STK31: variants seen among roughly 807,000 people sequenced by gnomAD.
The protein encoded by STK31 is serine/threonine-protein kinase 31.
A neutral mutation model predicts 129.7 loss-of-function variants in STK31; 89 were observed. The ratio of observed to expected loss-of-function variants is 0.69; its 90% CI spans 0.58 to 0.82. STK31 has a LOEUF of 0.82. Among genes scored for constraint, STK31 ranks in the 40% least tolerant of loss-of-function variants. The probability of loss-of-function intolerance (pLI) is 0.00; values close to 1 mark genes in which losing one functional copy is unlikely to be tolerated. For missense variants in STK31, 1,187 were observed against 1,176.4 expected, an observed-to-expected ratio of 1.01 and a Z score of -0.13; for synonymous variants, 448 against 395.3, an observed-to-expected ratio of 1.13 and a Z score of -1.58.
Position 23,769,722 on chromosome 7 carries a change from C to A in STK31, c.1679C>A (p.Ser560Ter). ...GATGAAATCCTAGAGAAGACTGAGTCAAGTGTCTGCAAAGAGCTGGAGATA... is the reference window on the plus strand; with the variant it reads ...GATGAAATCCTAGAGAAGACTGAGTAAAGTGTCTGCAAAGAGCTGGAGATA... ...NIDEILEKTESSVCKELEIAL... is the reference protein window; with the variant it reads ...NIDEILEKTE The change falls in exon 13 of 24, where the codon TCA (serine) becomes TAA (stop). Residue 560 changes from serine (S) to a stop codon, truncating the protein, a stop_gained. Coordinates refer to ENST00000355870, the MANE Select transcript of STK31 (RefSeq NM_031414.5). LOFTEE classifies it high-confidence loss of function. 1 of 1,610,542 alleles carries A rather than the reference C, an allele frequency of 6.2e-7. No individual in the cohort carries two copies. The highest frequency in any genetic ancestry group is 1.1e-5 in the South Asian group (1 of 90,346).
intron 22 of STK31, among the ~76,000 whole-genome samples, chr7:23,801,842 C>T (rs1015812815): frequency 5.3e-5 from 8 of 151,950 alleles, no homozygotes; most frequent in Admixed American, 2.0e-4. Context: ...AGAAATAAAT[C>T]GGCCATTTTT....
rs532201824 is a variant in STK31 at position 23,744,407 on chromosome 7, T to C, written c.1017+7329T>C. On this transcript the variant is annotated intron_variant, in intron 8 of 23. Transcript: ENST00000355870. Reference sequence around the variant, plus strand: ...ATTATCTTTTATCTCACTGAACTTATTTAAAATCAGTATTTTGGATTTTTC... The same window carrying C: ...ATTATCTTTTATCTCACTGAACTTACTTAAAATCAGTATTTTGGATTTTTC... Among the ~76,000 whole-genome samples, 40 of 152,238 alleles carry C rather than the reference T, an allele frequency of 2.6e-4. No homozygotes were observed. In the South Asian group the frequency reaches 4.3e-3, roughly 17 times the overall value.
At chr7:23,792,104 G>A (rs889494127) in intron 22 of STK31, among the ~76,000 whole-genome samples, 12 of 152,138 alleles carry the variant, frequency 7.9e-5, no homozygotes, top group African/African-American at 1.2e-4. Flanking sequence ...TGGTGCAGAG[G>A]CCATATAGTT....
chr7:23,742,558 C>T (rs749272126), intron 8 of STK31, among the ~76,000 whole-genome samples: 4 of 152,174 alleles, frequency 2.6e-5, no homozygotes, highest in Non-Finnish European at 4.4e-5. Flanking sequence ...CCTAGTGGAT[C>T]GAGGGTTTCT....
intron 14 of STK31, chr7:23,771,600 T>G (rs1790198366): frequency 6.5e-6 from 1 of 152,862 alleles, no homozygotes; most frequent in Non-Finnish European, 1.5e-5. Flanking sequence ...TCATCTTGAG[T>G]GACTAAATCC....
intron 3 of STK31, 81 bp downstream of exon 3, chr7:23,712,367 G>T (rs1786028236): frequency 4.6e-6 from 6 of 1,299,778 alleles, no homozygotes; most frequent in African/African-American, 1.5e-5. Flanking sequence ...TAAAACCCAG[G>T]AATAAATACA....
chr7:23,812,749 T>C lies in STK31; in HGVS notation c.2761-2395T>C, dbSNP rs1266172813. Among the ~76,000 whole-genome samples, 3 of 152,244 alleles carry C rather than the reference T, an allele frequency of 2.0e-5. No individual in the cohort carries two copies. In the East Asian group the frequency reaches 5.8e-4, roughly 29 times the overall value. On this transcript the variant is annotated intron_variant, in intron 22 of 23. Transcript: ENST00000355870. ...GCACATTTTATTTAGCTCCTACTTATAAGTGAGAAAATGCAGTATTGGGCT... is the reference window on the plus strand; with the variant it reads ...GCACATTTTATTTAGCTCCTACTTACAAGTGAGAAAATGCAGTATTGGGCT...
intron 1 of STK31, among the ~76,000 whole-genome samples, chr7:23,711,385 T>C (rs74736201): frequency 0.023 from 3,440 of 150,318 alleles, 41 homozygotes; most frequent in Non-Finnish European, 0.035. Context: ...TGCAGTGAGC[T>C]AAGATCTCCA....
In STK31 at chr7:23,788,027, G is replaced by A. The variant is rs1175704865; in HGVS notation, c.2535G>A (p.Leu845=). 2 of 1,611,198 alleles carry A rather than the reference G, an allele frequency of 1.2e-6. No individual in the cohort carries two copies. The highest frequency in any genetic ancestry group is 1.7e-6 in the Non-Finnish European group (2 of 1,178,600). The change falls in exon 21 of 24, where the codon TTG becomes TTA. Residue 845 remains leucine (L), a synonymous_variant. Transcript: ENST00000355870. ...GTGTTGCCCAGGGTCTGCATACATT[G>A]CATAAGGCTGACATAATTCATGGAT... is the stretch of plus-strand genomic sequence containing the variant. ...MKGVAQGLHT[L]HKADIIHGSL...
chr7:23,731,096 C>T (rs952740036), intron 6 of STK31, among the ~76,000 whole-genome samples: 5 of 151,478 alleles, frequency 3.3e-5, no homozygotes, highest in Non-Finnish European at 7.4e-5. Context: ...GTTGGCCAGG[C>T]TGGTCTTGAA....
intron 4 of STK31, among the ~76,000 whole-genome samples, chr7:23,717,889 T>G (rs185679959): frequency 2.2e-4 from 34 of 152,180 alleles, no homozygotes; most frequent in African/African-American, 7.7e-4. Flanking sequence ...GTCAAAATCA[T>G]AGAGACAGAA....
chr7:23,776,381 T>C (rs1790544993), intron 15 of STK31, among the ~76,000 whole-genome samples: 1 of 152,116 alleles, frequency 6.6e-6, no homozygotes, highest in Non-Finnish European at 1.5e-5. Flanking sequence ...TTTTCTGTTG[T>C]TTGGAATTGT....
chr7:23,773,432 C>T (rs1052447906), intron 15 of STK31, among the ~76,000 whole-genome samples: 1 of 152,116 alleles, frequency 6.6e-6, no homozygotes, highest in Non-Finnish European at 1.5e-5. Context: ...TTTCTTTATC[C>T]ACTCAATCAT....
intron 22 of STK31, among the ~76,000 whole-genome samples, chr7:23,793,780 A>G (rs774336408): frequency 9.2e-5 from 14 of 152,222 alleles, no homozygotes; most frequent in Non-Finnish European, 1.8e-4. Flanking sequence ...TATATTGCCC[A>G]GGGGAATGTA....
Position 23,729,194 on chromosome 7 carries a change from A to G in STK31, c.428A>G (p.Tyr143Cys), listed in dbSNP as rs747255632. The stretch of plus-strand genomic sequence containing the variant: ...CAGTTTTCTAGTGTTGCCAAAAAGT[A>G]TAAACTTTGGGGACTACACATTCCT... ...ELQFSSVAKK[Y>C]KLWGLHIPSD... The change falls in exon 6 of 24, where the codon TAT becomes TGT. Residue 143 changes from tyrosine (Y) to cysteine (C), a missense_variant. This residue lies in a region of STK31 where 103 missense variants were observed against 110.4 expected (regional missense o/e 0.93). Coordinates refer to ENST00000355870, the MANE Select transcript of STK31 (RefSeq NM_031414.5). 6.2e-7 allele frequency: 1 copy of G among 1,611,980 alleles called. No individual in the cohort carries two copies. Among genetic ancestry groups the G allele is most frequent in the East Asian group, 2.2e-5 (1 of 44,748 alleles).
At chr7:23,809,960 T>C (rs1358989721) in intron 22 of STK31, among the ~76,000 whole-genome samples, 1 of 152,230 alleles carries the variant, frequency 6.6e-6, no homozygotes, top group Non-Finnish European at 1.5e-5. Flanking sequence ...TCCTGTTATG[T>C]ATTCCTGCTG....
intron 4 of STK31, among the ~76,000 whole-genome samples, chr7:23,720,684 C>G (rs1374438249): frequency 6.6e-6 from 1 of 152,118 alleles, no homozygotes; most frequent in Non-Finnish European, 1.5e-5. Flanking sequence ...ATGAGAGAAG[C>G]AGATATTTTA....
chr7:23,817,265 A>G (rs1012898415), intron 23 of STK31, among the ~76,000 whole-genome samples: 2 of 152,210 alleles, frequency 1.3e-5, no homozygotes, highest in African/African-American at 2.4e-5. Flanking sequence ...AGCTAGGTAT[A>G]TGTATAATGA....
intron 4 of STK31, among the ~76,000 whole-genome samples, chr7:23,718,589 T>A (rs1419735765): frequency 2.0e-5 from 3 of 152,036 alleles, no homozygotes; most frequent in Non-Finnish European, 2.9e-5. Flanking sequence ...AATCATGGAG[T>A]ATGTAGTTTA....
Sources: gnomAD v4.1 joint callset for allele counts (sites outside exome capture counted in the v4.1 genomes callset) on GRCh38, gnomAD v4.1.1 for gene constraint, gnomAD v4.1.1 regional missense constraint, MANE v1.5 for transcripts, NCBI Gene and HGNC (gene_info 2026-07-23, HGNC 2026-07-21) for gene names.